Variants in MDGA2 observed in about 807,000 individuals in gnomAD.
MDGA2 encodes the protein MAM domain-containing glycosylphosphatidylinositol anchor protein 2.
In MDGA2, 40 loss-of-function variants were observed where a neutral mutation model predicts 117.8. The ratio of observed to expected loss-of-function variants is 0.34; its 90% CI spans 0.26 to 0.44. MDGA2 has a LOEUF of 0.44. MDGA2 is among the 20% of genes least tolerant of loss of function. The probability of loss-of-function intolerance (pLI) is 1.00; values close to 1 mark genes in which losing one functional copy is unlikely to be tolerated. For missense variants in MDGA2, 1,123 were observed against 1,250.6 expected, an observed-to-expected ratio of 0.90 and a Z score of 1.54; for synonymous variants, 452 against 439.0, an observed-to-expected ratio of 1.03 and a Z score of -0.37.
chr14:47,628,795 C>T (rs1897200345), intron 1 of MDGA2, among the ~76,000 whole-genome samples: 1 of 152,226 alleles, frequency 6.6e-6, no homozygotes, highest in Non-Finnish European at 1.5e-5. Flanking sequence ...TTACAGCTCA[C>T]TTTGTGCTAC....
chr14:47,323,317 G>A (rs8009243), intron 1 of MDGA2, among the ~76,000 whole-genome samples: 4,863 of 151,404 alleles, frequency 0.032, 269 homozygotes, highest in African/African-American at 0.11. Context: ...GAAATTGATG[G>A]TTCATTTCCT....
intron 2 of MDGA2, among the ~76,000 whole-genome samples, chr14:47,300,445 A>G (rs146867486): frequency 1.4e-4 from 22 of 151,974 alleles, no homozygotes; most frequent in Admixed American, 5.9e-4. Flanking sequence ...ATTATCTTCT[A>G]TATAACTGTT....
At chr14:47,159,950 T>C (rs920012502) in intron 3 of MDGA2, among the ~76,000 whole-genome samples, 7 of 152,212 alleles carry the variant, frequency 4.6e-5, no homozygotes, top group African/African-American at 1.7e-4. Context: ...TTTTCTTGCA[T>C]AGCTTTGGTT....
At chr14:47,498,021 A>G (rs1158991442) in intron 1 of MDGA2, among the ~76,000 whole-genome samples, 2 of 152,200 alleles carry the variant, frequency 1.3e-5, no homozygotes, top group Non-Finnish European at 2.9e-5. Context: ...TTCACTTTGT[A>G]TGTTACTTTC....
intron 3 of MDGA2, among the ~76,000 whole-genome samples, chr14:47,204,587 C>T (rs1008283966): frequency 2.6e-5 from 4 of 151,862 alleles, no homozygotes; most frequent in Non-Finnish European, 5.9e-5. Flanking sequence ...TAATTCCCAT[C>T]GGTTGCAACA....
At chr14:47,283,198 G>A (rs1209513389) in intron 2 of MDGA2, among the ~76,000 whole-genome samples, 1 of 151,974 alleles carries the variant, frequency 6.6e-6, no homozygotes, top group East Asian at 1.9e-4. Context: ...GCAAAAGAGA[G>A]GAAAACATAT....
intron 1 of MDGA2, among the ~76,000 whole-genome samples, chr14:47,387,316 A>G (rs1891783296): frequency 6.6e-6 from 1 of 151,040 alleles, no homozygotes; most frequent in African/African-American, 2.4e-5. Flanking sequence ...GTTATTCTCC[A>G]CCCACCCCCA....
intron 1 of MDGA2, among the ~76,000 whole-genome samples, chr14:47,594,009 CTG>C (rs2138864102): frequency 6.6e-6 from 1 of 152,278 alleles, no homozygotes; most frequent in Non-Finnish European, 1.5e-5. Flanking sequence ...TAAAATATAA[CTG>C]AATGACTAGC....
At chr14:47,422,543 G>A (rs183300835) in intron 1 of MDGA2, among the ~76,000 whole-genome samples, 2 of 152,206 alleles carry the variant, frequency 1.3e-5, no homozygotes, top group African/African-American at 2.4e-5. Flanking sequence ...TAAATTAAAG[G>A]TATATTTACA....
chr14:47,006,242 G>A (rs1328888036), intron 8 of MDGA2, among the ~76,000 whole-genome samples: 1 of 151,126 alleles, frequency 6.6e-6, no homozygotes, highest in Non-Finnish European at 1.5e-5. Context: ...CAGCTGTCAA[G>A]ATGCAATTCA....
chr14:47,185,703 G>A (rs1884885164), intron 3 of MDGA2, among the ~76,000 whole-genome samples: 1 of 151,462 alleles, frequency 6.6e-6, no homozygotes, highest in Non-Finnish European at 1.5e-5. Flanking sequence ...TAACACCAAA[G>A]GAGAAAGGAC....
At chr14:47,131,570 C>T in intron 5 of MDGA2, 144 bp downstream of exon 5, 1 of 533,098 alleles carries the variant, frequency 1.9e-6, no homozygotes, top group Non-Finnish European at 3.2e-6. Flanking sequence ...TGAAGCTTTT[C>T]AGATATCCCA....
chr14:46,910,925 T>C (rs910074940), intron 10 of MDGA2, among the ~76,000 whole-genome samples: 10 of 152,170 alleles, frequency 6.6e-5, no homozygotes, highest in Non-Finnish European at 1.2e-4. Context: ...TTCTCAGTTA[T>C]AACTGGTAGC....
At chr14:47,014,488 G>C (rs1187742525) in intron 8 of MDGA2, among the ~76,000 whole-genome samples, 1 of 152,020 alleles carries the variant, frequency 6.6e-6, no homozygotes, top group East Asian at 1.9e-4. Flanking sequence ...TGTTGTTTAG[G>C]GCTAGCCACC....
intron 4 of MDGA2, among the ~76,000 whole-genome samples, chr14:47,132,173 T>C (rs567975162): frequency 6.6e-6 from 1 of 152,050 alleles, no homozygotes; most frequent in South Asian, 2.1e-4. Context: ...TGCAAATTAT[T>C]ATGCAAAGAT....
chr14:46,981,111 T>TAA (rs1442339689), intron 8 of MDGA2, among the ~76,000 whole-genome samples: 1 of 151,920 alleles, frequency 6.6e-6, no homozygotes, highest in Non-Finnish European at 1.5e-5. Context: ...AAGAGACTTT[T>TAA]TAAGAGTCTG....
intron 8 of MDGA2, among the ~76,000 whole-genome samples, chr14:47,017,926 G>T (rs1888140893): frequency 6.6e-6 from 1 of 152,028 alleles, no homozygotes; most frequent in Admixed American, 6.6e-5. Context: ...CTGAATTTTA[G>T]ACTTAATATT....
intron 6 of MDGA2, among the ~76,000 whole-genome samples, chr14:47,063,116 T>C (rs970171567): frequency 8.6e-5 from 13 of 152,020 alleles, no homozygotes; most frequent in Admixed American, 5.3e-4. Flanking sequence ...ATGATACTTA[T>C]GTCTAGAAAA....
chr14:47,210,458 G>A (rs7142595), intron 3 of MDGA2, among the ~76,000 whole-genome samples: 9,640 of 152,142 alleles, frequency 0.063, 356 homozygotes, highest in Non-Finnish European at 0.065. Context: ...ACACAGTCAT[G>A]GCTAAGAATA....
Sources: allele counts gnomAD v4.1 joint callset (sites outside exome capture counted in the v4.1 genomes callset), GRCh38; gene constraint gnomAD v4.1.1; transcripts MANE v1.5; gene names NCBI Gene and HGNC (gene_info 2026-07-23, HGNC 2026-07-21).